Variants in SGCZ observed in about 807,000 individuals in gnomAD.
SGCZ encodes sarcoglycan zeta.
A neutral mutation model predicts 41.3 loss-of-function variants in SGCZ; 40 were observed. The observed-to-expected ratio is 0.97, with a 90% CI of 0.75 to 1.26. The LOEUF is 1.26. Among genes scored for constraint, SGCZ ranks in the 50% most tolerant of loss-of-function variants. The probability of loss-of-function intolerance (pLI) is 0.00; values close to 1 mark genes in which losing one functional copy is unlikely to be tolerated. For missense variants in SGCZ, 552 were observed against 369.8 expected (o/e 1.49, Z -4.04); for synonymous variants, 206 against 137.5 (o/e 1.50, Z -3.49).
intron 2 of SGCZ, among the ~76,000 whole-genome samples, chr8:14,475,343 T>C (rs1271207566): frequency 6.6e-6 from 1 of 152,144 alleles, no homozygotes; most frequent in Non-Finnish European, 1.5e-5. Context: ...AAGCAACTAA[T>C]AAGTAATTGT....
intron 5 of SGCZ, among the ~76,000 whole-genome samples, chr8:14,134,470 A>G (rs1017140304): frequency 6.6e-6 from 1 of 152,236 alleles, no homozygotes; most frequent in Non-Finnish European, 1.5e-5. Flanking sequence ...ATCTCAATAT[A>G]TGTGTCATTC....
At position 14,990,519 on chromosome 8, in the gene SGCZ, G is replaced by C. The variant is rs563542715; in HGVS notation, c.39+247066C>G. Among the ~76,000 whole-genome samples the C allele has an allele frequency of 2.6e-3, 403 of 152,104 alleles. 2 individuals are homozygous for C. The highest frequency in any genetic ancestry group is 9.4e-3 in the African/African-American group (392 of 41,482). ...GAGCGCAAACTCCATTGCCAACTGAGCATGCAAGGGATCTAGGTTGCATGC... is the reference window on the plus strand; with the variant it reads ...GAGCGCAAACTCCATTGCCAACTGACCATGCAAGGGATCTAGGTTGCATGC... On this transcript the variant is annotated intron_variant, in intron 1 of 7. Coordinates refer to ENST00000382080, the MANE Select transcript of SGCZ (RefSeq NM_139167.4).
intron 1 of SGCZ, among the ~76,000 whole-genome samples, chr8:14,625,528 A>C (rs535697503): frequency 6.8e-4 from 104 of 152,304 alleles, no homozygotes; most frequent in Non-Finnish European, 1.3e-3. Context: ...GAGATTTCAT[A>C]CCTAGAGGAC....
intron 4 of SGCZ, chr8:14,165,104 G>C (rs1036643241): frequency 5.8e-6 from 1 of 173,230 alleles, no homozygotes; most frequent in African/African-American, 2.4e-5. Context: ...CTGCAGTGTA[G>C]ACAATAGTAC....
At chr8:14,176,934 G>T (rs1170354393) in intron 4 of SGCZ, among the ~76,000 whole-genome samples, 1 of 152,178 alleles carries the variant, frequency 6.6e-6, no homozygotes, top group African/African-American at 2.4e-5. Context: ...ATAAACTCAA[G>T]AACACATCAA....
At chr8:15,087,988 T>C (rs760041758) in intron 1 of SGCZ, among the ~76,000 whole-genome samples, 2 of 146,580 alleles carry the variant, frequency 1.4e-5, no homozygotes, top group Non-Finnish European at 2.9e-5. Context: ...ATATACCTCA[T>C]ATGTCATTTC....
rs1023256376 is a variant in SGCZ at position 14,359,166 on chromosome 8, G to C, written c.235-34962C>G. Among the ~76,000 whole-genome samples, 3 of 152,042 alleles carry C rather than the reference G, an allele frequency of 2.0e-5. No individual in the cohort carries two copies. In the South Asian group the frequency reaches 6.3e-4, roughly 32 times the overall value. On this transcript the variant is annotated intron_variant, in intron 2 of 7. Transcript: ENST00000382080. ...TAGAACAGATTTAACCCAAATAAGA[G>C]TACGTGAAGATAATTTATAATCAAA...
At chr8:14,940,109 A>G (rs192492182) in intron 1 of SGCZ, among the ~76,000 whole-genome samples, 1 of 152,224 alleles carries the variant, frequency 6.6e-6, no homozygotes, top group East Asian at 1.9e-4. Context: ...TTCCTTTTGA[A>G]CCCATCTATC....
chr8:14,696,725 T>C (rs1808975129), intron 1 of SGCZ, among the ~76,000 whole-genome samples: 2 of 152,022 alleles, frequency 1.3e-5, no homozygotes, highest in Non-Finnish European at 2.9e-5. Flanking sequence ...TCTTGCCTAT[T>C]GTATGCTGCC....
At chr8:15,116,034 C>A (rs1015633702) in intron 1 of SGCZ, among the ~76,000 whole-genome samples, 1 of 152,136 alleles carries the variant, frequency 6.6e-6, no homozygotes, top group Non-Finnish European at 1.5e-5. Flanking sequence ...AGATTAAAAA[C>A]AGCCATAAAC....
intron 1 of SGCZ, among the ~76,000 whole-genome samples, chr8:15,223,079 G>C (rs1801658028): frequency 6.6e-6 from 1 of 152,008 alleles, no homozygotes; most frequent in Admixed American, 6.6e-5. Context: ...ATATTAAATG[G>C]GCTGCTTTCT....
chr8:15,048,383 T>G (rs1804389921), intron 1 of SGCZ, among the ~76,000 whole-genome samples: 2 of 151,970 alleles, frequency 1.3e-5, no homozygotes, highest in Admixed American at 6.6e-5. Flanking sequence ...AAAATACAGT[T>G]AGAGAGAAGG....
chr8:14,276,547 C>T (rs1410043369), intron 3 of SGCZ, among the ~76,000 whole-genome samples: 1 of 152,102 alleles, frequency 6.6e-6, no homozygotes, highest in Non-Finnish European at 1.5e-5. Context: ...TCTTTTTTAT[C>T]ACTGGACTCT....
Position 14,811,546 on chromosome 8 carries a change from T to C in SGCZ, c.40-256620A>G, listed in dbSNP as rs972367187. Among the ~76,000 whole-genome samples, 619 of 145,690 alleles carry C rather than the reference T, an allele frequency of 4.2e-3. 1 individual carries two copies. The highest frequency in any genetic ancestry group is 8.0e-3 in the East Asian group (40 of 4,984). On this transcript the variant is annotated intron_variant, in intron 1 of 7. Coordinates refer to ENST00000382080, the MANE Select transcript of SGCZ (RefSeq NM_139167.4). ...TTTTTTTTTTTTTTTTTTTTTTTTT[T>C]CGGAATCACACTCCACTCCTTATAG... is the stretch of plus-strand genomic sequence containing the variant.
intron 1 of SGCZ, among the ~76,000 whole-genome samples, chr8:14,740,947 T>G (rs1163314968): frequency 6.6e-6 from 1 of 152,026 alleles, no homozygotes; most frequent in East Asian, 1.9e-4. Context: ...AGAAAACTAT[T>G]ATTCTGCAAC....
chr8:14,975,873 T>TACACACAC (rs10542601), intron 1 of SGCZ, among the ~76,000 whole-genome samples: 4 of 141,298 alleles, frequency 2.8e-5, no homozygotes, highest in African/African-American at 1.1e-4. Flanking sequence ...AGAAAAATTT[T>TACACACAC]ACACACACAC....
intron 4 of SGCZ, among the ~76,000 whole-genome samples, chr8:14,222,240 C>A (rs1476775335): frequency 1.3e-5 from 2 of 151,820 alleles, no homozygotes; most frequent in Non-Finnish European, 2.9e-5. Context: ...GCGCAATCTC[C>A]ATTCACTGCA....
At chr8:14,531,345 A>G (rs1429774947) in intron 2 of SGCZ, among the ~76,000 whole-genome samples, 1 of 151,822 alleles carries the variant, frequency 6.6e-6, no homozygotes, top group African/African-American at 2.4e-5. Context: ...TGCCTTACTC[A>G]TTCTCCAGTG....
chr8:14,509,928 T>A (rs908010215), intron 2 of SGCZ, among the ~76,000 whole-genome samples: 2 of 151,688 alleles, frequency 1.3e-5, no homozygotes, highest in Admixed American at 1.3e-4. Context: ...GGGGGACACG[T>A]CCCCCATGAT....
Sources: gnomAD v4.1 joint callset for allele counts (sites outside exome capture counted in the v4.1 genomes callset) on GRCh38, gnomAD v4.1.1 for gene constraint, MANE v1.5 for transcripts, NCBI Gene and HGNC (gene_info 2026-07-23, HGNC 2026-07-21) for gene names.